The following USP24 variants were observed in gnomAD, a reference collection of about 807,000 sequenced individuals.
The protein encoded by USP24 is ubiquitin specific peptidase 24.
A neutral mutation model predicts 361.6 loss-of-function variants in USP24; 97 were observed. The ratio of observed to expected loss-of-function variants is 0.27; its 90% confidence interval spans 0.23 to 0.32. The LOEUF is 0.32. USP24 is among the 10% of genes least tolerant of loss of function. The pLI is 1.00. For synonymous variants in USP24, 1,098 were observed against 1,124.6 expected (o/e 0.98, Z 0.47); for missense variants, 2,353 against 3,165.6 (o/e 0.74, Z 6.16).
chr1:55,182,060 T>C (rs554205197), intron 1 of USP24, among the ~76,000 whole-genome samples: 46 of 152,342 alleles, frequency 3.0e-4, no homozygotes, highest in African/African-American at 1.1e-3. Flanking sequence ...TTTTTTATTT[T>C]TATTTTTTTT....
Position 55,110,176 on chromosome 1 carries a change from T to C in USP24, c.4570+9A>G. 1 of 1,547,028 alleles carries C rather than the reference T, an allele frequency of 6.5e-7. No individual in the cohort carries two copies. The highest frequency in any genetic ancestry group is 8.7e-7 in the Non-Finnish European group (1 of 1,144,434). ...GCCCCTCTCCCCTACATATTAGTCA[T>C]TTACTTACTTGTCAGATCATCTAAT... On this transcript the variant is annotated intron_variant, in intron 39 of 67. Transcript: ENST00000294383.
At chr1:55,202,700 C>T (rs898933750) in intron 1 of USP24, among the ~76,000 whole-genome samples, 14 of 152,300 alleles carry the variant, frequency 9.2e-5, no homozygotes, top group Admixed American at 2.6e-4. Context: ...CCACCACATC[C>T]GGCCTGTATA....
At chr1:55,171,470 C>T in intron 5 of USP24, 86 bp downstream of exon 5, 1 of 1,440,398 alleles carries the variant, frequency 6.9e-7, no homozygotes, top group Non-Finnish European at 9.3e-7. Context: ...TTTAATCCTC[C>T]CATGTAACTT....
chr1:55,150,851 T>C (rs1419449755), intron 16 of USP24, among the ~76,000 whole-genome samples: 2 of 152,202 alleles, frequency 1.3e-5, no homozygotes, highest in Non-Finnish European at 2.9e-5. Context: ...CCAATTACAA[T>C]GAAGATATCT....
At chr1:55,081,488 G>C in intron 58 of USP24, 64 bp from the exon 59 acceptor site, 16 of 1,432,782 alleles carry the variant, frequency 1.1e-5, no homozygotes, top group Non-Finnish European at 1.5e-5. Context: ...AAGAGGAAGG[G>C]ACAGGGTTTG....
At chr1:55,074,022 G>A in intron 63 of USP24, 116 bp from the exon 64 acceptor site, 1 of 680,336 alleles carries the variant, frequency 1.5e-6, no homozygotes, top group Non-Finnish European at 2.3e-6. Context: ...AACAGATAAG[G>A]AACAACTTAA....
chr1:55,196,039 A>C (rs1246622319), intron 1 of USP24, among the ~76,000 whole-genome samples: 1 of 152,184 alleles, frequency 6.6e-6, no homozygotes, highest in Non-Finnish European at 1.5e-5. Context: ...CTGAGACCTA[A>C]GTAAATGTCT....
intron 1 of USP24, among the ~76,000 whole-genome samples, chr1:55,202,290 T>C (rs191504009): frequency 1.3e-5 from 2 of 152,318 alleles, no homozygotes; most frequent in Admixed American, 1.3e-4. Flanking sequence ...CATTACTGTG[T>C]TTGATACACA....
At chr1:55,123,299 G>T in intron 36 of USP24, 148 bp downstream of exon 36, 1 of 871,498 alleles carries the variant, frequency 1.1e-6, no homozygotes, top group Non-Finnish European at 1.7e-6. Context: ...AGCTATTTTA[G>T]CATTATTCTT....
chr1:55,180,208 A>C (rs1312405768), intron 1 of USP24, among the ~76,000 whole-genome samples: 1 of 152,130 alleles, frequency 6.6e-6, no homozygotes, highest in African/African-American at 2.4e-5. Context: ...CTTCCCCTGG[A>C]TCTGAACCAG....
intron 44 of USP24, 126 bp downstream of exon 44, chr1:55,100,713 C>A: frequency 1.9e-6 from 2 of 1,050,146 alleles, no homozygotes; most frequent in Non-Finnish European, 1.3e-6. Flanking sequence ...TATACCAAAT[C>A]CTTTTACAGT....
Position 55,097,176 on chromosome 1 carries a change from T to C in USP24, c.5716-4A>G, listed in dbSNP as rs1040401106. ...CCATGTTTAGCATCCAGGGAAACTA[T>C]GTAGAAGCAAAAAGACCATATTAAC... On this transcript the variant is annotated splice_region_variant and splice_polypyrimidine_tract_variant and intron_variant, in intron 48 of 67. Transcript: ENST00000294383. The C allele has an allele frequency of 5.0e-6, 8 of 1,613,720 alleles. No individual in the cohort carries two copies. The highest frequency in any genetic ancestry group is 1.3e-5 in the African/African-American group (1 of 75,000).
intron 50 of USP24, 52 bp downstream of exon 50, chr1:55,096,446 G>A: frequency 7.3e-7 from 1 of 1,368,112 alleles, no homozygotes; most frequent in Non-Finnish European, 9.6e-7. Flanking sequence ...AATTTTTATA[G>A]AAAACGATAA....
At chr1:55,212,592 A>C (rs1252016725) in intron 1 of USP24, among the ~76,000 whole-genome samples, 2 of 152,202 alleles carry the variant, frequency 1.3e-5, no homozygotes, top group East Asian at 3.8e-4. Flanking sequence ...CCCACTGTGT[A>C]CACCAAGGAT....
chr1:55,121,786 CAAT>C (rs1557593228), intron 36 of USP24, among the ~76,000 whole-genome samples: 1 of 152,182 alleles, frequency 6.6e-6, no homozygotes. Flanking sequence ...GATAAACTAT[CAAT>C]AGTTGCAAAC....
At chr1:55,121,530 TG>T in intron 36 of USP24, 24 bp from the exon 37 acceptor site, 4 of 1,602,954 alleles carry the variant, frequency 2.5e-6, no homozygotes, top group Non-Finnish European at 3.4e-6. Flanking sequence ...ATGGGGGATG[TG>T]GGTGTGTGAA....
At chr1:55,075,754 G>A (rs1323083488) in intron 62 of USP24, among the ~76,000 whole-genome samples, 1 of 151,970 alleles carries the variant, frequency 6.6e-6, no homozygotes, top group African/African-American at 2.4e-5. Flanking sequence ...ATCACTTGAG[G>A]CCAGGAGTTC....
At chr1:55,102,558 T>C (rs1645661699) in intron 42 of USP24, among the ~76,000 whole-genome samples, 1 of 152,178 alleles carries the variant, frequency 6.6e-6, no homozygotes, top group Non-Finnish European at 1.5e-5. Flanking sequence ...CAAAAATGTA[T>C]AGGTCTTCTA....
At chr1:55,166,301 G>A (rs1040543771) in intron 6 of USP24, among the ~76,000 whole-genome samples, 1 of 151,796 alleles carries the variant, frequency 6.6e-6, no homozygotes, top group African/African-American at 2.4e-5. Flanking sequence ...TTATCGTTGT[G>A]CTCCGTAACA....
Sources: allele counts gnomAD v4.1 joint callset (sites outside exome capture counted in the v4.1 genomes callset), GRCh38; gene constraint gnomAD v4.1.1; transcripts MANE v1.5; gene names NCBI Gene and HGNC (gene_info 2026-07-23, HGNC 2026-07-21).